DOT1L: variants seen among roughly 807,000 people sequenced by gnomAD.
DOT1L encodes the protein DOT1 like histone lysine methyltransferase.
DOT1L carries 33 observed loss-of-function variants against 153.3 expected under a neutral mutation model. The observed-to-expected ratio is 0.22, with a 90% CI of 0.16 to 0.29. The LOEUF is 0.29. Ranked by LOEUF, DOT1L falls within the 10% of genes least tolerant of loss-of-function variation. The probability of loss-of-function intolerance (pLI) is 1.00; values close to 1 mark genes in which losing one functional copy is unlikely to be tolerated. For synonymous variants in DOT1L, 1,135 were observed against 965.1 expected, an observed-to-expected ratio of 1.18 and a Z score of -3.26; for missense variants, 1,847 against 2,119.9, an observed-to-expected ratio of 0.87 and a Z score of 2.53.
In DOT1L at chr19:2,175,002, ATAT is replaced by A. The variant is rs773404420; in HGVS notation, c.82-5709_82-5707del. On this transcript the variant is annotated intron_variant, in intron 1 of 27. Transcript: ENST00000398665. ...TGTGTGTGTGTGTGTGTGTATATAT[ATAT>A]TTTTTTTTTTTTAGATGGAGTCTTG... Among the ~76,000 whole-genome samples, 162 of 88,274 alleles carry A rather than the reference ATAT, an allele frequency of 1.8e-3. 1 individual carries two copies. Among genetic ancestry groups the A allele is most frequent in the Middle Eastern group, 6.9e-3 (1 of 144 alleles). The allele number at this position is 88,274 out of a possible 152,430, so 57.9% of individuals were successfully genotyped here.
intron 2 of DOT1L, among the ~76,000 whole-genome samples, chr19:2,181,310 C>G (rs1219861765): frequency 6.6e-6 from 1 of 152,214 alleles, no homozygotes; most frequent in African/African-American, 2.4e-5. Flanking sequence ...TTGTGTGGCA[C>G]CTGCACGGAG....
chr19:2,202,910 T>C (rs2023347323), intron 9 of DOT1L, 131 bp downstream of exon 9: 1 of 800,132 alleles, frequency 1.2e-6, no homozygotes. Flanking sequence ...AGCCAGGTGG[T>C]CTTCCTTTAT....
At chr19:2,229,162 G>A in intron 27 of DOT1L, 1 of 985,474 alleles carries the variant, frequency 1.0e-6, no homozygotes, top group Non-Finnish European at 1.2e-6. Flanking sequence ...GAGTGATTTT[G>A]ATGATGTGAG....
At chr19:2,169,815 G>C (rs185293048) in intron 1 of DOT1L, among the ~76,000 whole-genome samples, 1 of 152,136 alleles carries the variant, frequency 6.6e-6, no homozygotes, top group African/African-American at 2.4e-5. Context: ...CCTTTAGCTC[G>C]ACAGTGTGAA....
At position 2,222,190 on chromosome 19, in the gene DOT1L, C is replaced by T. The variant is rs2024143921; in HGVS notation, c.3021C>T (p.Ser1007=). ...CTGCCTCTCCCGCCCACCAGCTCTC[C>T]TCCAGTCCCCGGCTTGGTGGGGCCG... ...SLPASPAHQL[S]SSPRLGGAAQ... is the part of the protein sequence containing the mutation. The change falls in exon 24 of 28, where the codon TCC becomes TCT. Residue 1007 remains serine (S), a synonymous_variant. Coordinates refer to ENST00000398665, the MANE Select transcript of DOT1L (RefSeq NM_032482.3). This position sits in a 1 kb window ranked among gnomAD's most constrained non-coding sequence, Gnocchi z 6.5. 4.3e-6 allele frequency: 7 copies of T among 1,613,002 alleles called. No homozygotes were observed. The East Asian group carries it at 1.1e-4, about 26-fold the overall frequency.
At chr19:2,169,582 C>G (rs1352771807) in intron 1 of DOT1L, among the ~76,000 whole-genome samples, 1 of 152,074 alleles carries the variant, frequency 6.6e-6, no homozygotes, top group Non-Finnish European at 1.5e-5. Flanking sequence ...CAGCCTCCGC[C>G]TCCTGGGTTC....
At chr19:2,211,065 G>T (rs774686627) in intron 14 of DOT1L, 34 bp from the exon 15 acceptor site, 10 of 1,597,684 alleles carry the variant, frequency 6.3e-6, no homozygotes, top group Non-Finnish European at 8.6e-6. Context: ...CTCCCGACCC[G>T]CCCTGTGCTG....
chr19:2,199,825 G>A (rs899352743), intron 7 of DOT1L, 59 bp from the exon 8 acceptor site: 1 of 1,590,484 alleles, frequency 6.3e-7, no homozygotes, highest in Middle Eastern at 1.7e-4. Context: ...CAGGGGCTGG[G>A]CGGGCTGGGA....
At chr19:2,177,809 T>A (rs1371662029) in intron 1 of DOT1L, among the ~76,000 whole-genome samples, 2 of 152,102 alleles carry the variant, frequency 1.3e-5, no homozygotes, top group Admixed American at 1.3e-4. Context: ...CTGCCCAGAT[T>A]GGAGTGCAGT....
Position 2,230,020 on chromosome 19 carries a change from A to T in DOT1L, c.*228A>T. The T allele has an allele frequency of 1.5e-6, 1 of 687,238 alleles. No individual in the cohort carries two copies. The highest frequency in any genetic ancestry group is 2.4e-6 in the Non-Finnish European group (1 of 420,072). 42.6% of individuals were successfully genotyped at this position (687,238 alleles called of 1,614,324 possible). ...ATTTATCATTTTTTAAAAAGTATAA[A>T]CAATTCTGACTTATTTTATTCCATC... On this transcript the variant is annotated 3_prime_UTR_variant, in exon 28 of 28. Transcript: ENST00000398665.
rs927189577 is a variant in DOT1L, at chr19:2,191,659, C to T, written c.493+419C>T. 5.3e-5 allele frequency among the ~76,000 whole-genome samples: 8 copies of T among 152,270 alleles called. No individual in the cohort carries two copies. Among genetic ancestry groups the T allele is most frequent in the South Asian group, 2.1e-4 (1 of 4,824 alleles). ...CTGGGCACACCTGCTCCCTCCACAGCGGCTGGAAAGGTCCCCCGCGGAGGA... is the reference window on the plus strand; with the variant it reads ...CTGGGCACACCTGCTCCCTCCACAGTGGCTGGAAAGGTCCCCCGCGGAGGA... On this transcript the variant is annotated intron_variant, in intron 5 of 27. Coordinates refer to ENST00000398665, the MANE Select transcript of DOT1L (RefSeq NM_032482.3). This position sits in a 1 kb window ranked among gnomAD's most constrained non-coding sequence, Gnocchi z 6.8.
intron 1 of DOT1L, among the ~76,000 whole-genome samples, chr19:2,177,236 A>G (rs1473185177): frequency 4.6e-5 from 7 of 152,156 alleles, no homozygotes; most frequent in South Asian, 4.1e-4. Context: ...AGCACAGAAC[A>G]TACAGGAAAC....
In DOT1L at chr19:2,221,965, C is replaced by T; in HGVS notation, c.2807-11C>T. 6.3e-7 allele frequency: 1 copy of T among 1,592,280 alleles called. No individual in the cohort carries two copies. ...CTGTGTCCCCTGAGACCCCCATGTC[C>T]TTCCCGGCAGGCTTCTCCTACGCTG... On this transcript the variant is annotated splice_polypyrimidine_tract_variant and intron_variant, in intron 23 of 27. Transcript: ENST00000398665.
chr19:2,194,128 G>T (rs759626045), intron 6 of DOT1L, among the ~76,000 whole-genome samples: 2 of 152,078 alleles, frequency 1.3e-5, no homozygotes, highest in Non-Finnish European at 2.9e-5. Flanking sequence ...CCAGGCAGGC[G>T]CATTGAGGCC....
chr19:2,177,813 G>A (rs991549105), intron 1 of DOT1L, among the ~76,000 whole-genome samples: 7 of 151,894 alleles, frequency 4.6e-5, no homozygotes, highest in Non-Finnish European at 1.0e-4. Context: ...CCAGATTGGA[G>A]TGCAGTGGTG....
chr19:2,223,055 T>C (rs1444565015), intron 24 of DOT1L, among the ~76,000 whole-genome samples: 2 of 146,838 alleles, frequency 1.4e-5, no homozygotes, highest in Non-Finnish European at 3.0e-5. Context: ...GGGGCCTTAG[T>C]GGTGGTGGGC....
chr19:2,168,314 TA>T (rs2020004550), intron 1 of DOT1L, among the ~76,000 whole-genome samples: 1 of 152,140 alleles, frequency 6.6e-6, no homozygotes, highest in Non-Finnish European at 1.5e-5. Context: ...CCAAAAAATT[TA>T]AAACAGTGAA....
chr19:2,179,356 C>T (rs1007772869), intron 1 of DOT1L, among the ~76,000 whole-genome samples: 7 of 149,336 alleles, frequency 4.7e-5, no homozygotes, highest in Non-Finnish European at 7.6e-5. Flanking sequence ...TGAGGCTGCA[C>T]GGCTGCCTGG....
At chr19:2,182,818 G>A (rs1002585695) in intron 2 of DOT1L, among the ~76,000 whole-genome samples, 1 of 152,196 alleles carries the variant, frequency 6.6e-6, no homozygotes, top group African/African-American at 2.4e-5. Context: ...CTCTCTGGCT[G>A]CATGCTCGCC....
Sources: gnomAD v4.1 joint callset for allele counts (sites outside exome capture counted in the v4.1 genomes callset) on GRCh38, gnomAD v4.1.1 for gene constraint, Gnocchi (gnomAD v3.1) non-coding constraint, MANE v1.5 for transcripts, NCBI Gene and HGNC (gene_info 2026-07-23, HGNC 2026-07-21) for gene names.